Variants in WDR72 observed in about 807,000 individuals in gnomAD.
The protein encoded by WDR72 is WD repeat domain 72, also known as WD repeat-containing protein 72.
WDR72 carries 120 observed loss-of-function variants against 124.2 expected under a neutral mutation model. The ratio of observed to expected loss-of-function variants is 0.97; its 90% CI spans 0.83 to 1.12. The LOEUF (loss-of-function observed/expected upper bound fraction) is 1.12, where lower values mean the gene tolerates loss of function less well. WDR72 is among the 50% of genes most tolerant of loss of function. The pLI is 0.00. For synonymous variants in WDR72, 452 were observed against 441.7 expected, an observed-to-expected ratio of 1.02 and a Z score of -0.29; for missense variants, 1,387 against 1,278.8, an observed-to-expected ratio of 1.08 and a Z score of -1.29.
intron 1 of WDR72, among the ~76,000 whole-genome samples, chr15:53,744,095 G>A (rs1175330412): frequency 3.3e-5 from 5 of 152,056 alleles, no homozygotes; most frequent in African/African-American, 1.2e-4. Context: ...TTTTAGTAAC[G>A]GAGTTCCCTG....
intron 18 of WDR72, among the ~76,000 whole-genome samples, chr15:53,588,838 C>G (rs776252169): frequency 6.6e-6 from 1 of 151,834 alleles, no homozygotes; most frequent in Non-Finnish European, 1.5e-5. Context: ...TTCCCAGGCT[C>G]AGAAGTAGAA....
intron 18 of WDR72, among the ~76,000 whole-genome samples, chr15:53,589,277 C>T (rs1359438084): frequency 1.4e-5 from 1 of 73,484 alleles, no homozygotes. Flanking sequence ...TCAGATAACA[C>T]GAATTTCAGT....
chr15:53,753,206 T>G (rs1162685309), intron 1 of WDR72, among the ~76,000 whole-genome samples: 1 of 152,200 alleles, frequency 6.6e-6, no homozygotes, highest in Non-Finnish European at 1.5e-5. Context: ...AAGTTGACAT[T>G]GGAAGTCAGT....
intron 18 of WDR72, among the ~76,000 whole-genome samples, chr15:53,537,582 A>G (rs1892829682): frequency 6.6e-6 from 1 of 152,176 alleles, no homozygotes; most frequent in Non-Finnish European, 1.5e-5. Context: ...AGCAATAGTG[A>G]TGGTGCCTAC....
chr15:53,663,094 A>T (rs1396602841), intron 14 of WDR72, among the ~76,000 whole-genome samples: 4 of 150,654 alleles, frequency 2.7e-5, no homozygotes, highest in African/African-American at 4.9e-5. Context: ...GCCTCTAAAA[A>T]TAAATAAATA....
At chr15:53,666,693 A>G (rs1425810207) in intron 13 of WDR72, among the ~76,000 whole-genome samples, 1 of 152,228 alleles carries the variant, frequency 6.6e-6, no homozygotes, top group African/African-American at 2.4e-5. Context: ...AAGTAGATGT[A>G]CTATTTATAT....
At position 53,675,341 on chromosome 15, in the gene WDR72, C is replaced by CA. The variant is rs58306742; in HGVS notation, c.1766-9574dup. Among the ~76,000 whole-genome samples the CA allele has an allele frequency of 3.7e-3, 469 of 126,456 alleles. 1 individual carries two copies. The highest frequency in any genetic ancestry group is 0.027 in the Middle Eastern group (5 of 186). 83.0% of individuals were successfully genotyped at this position (126,456 alleles called of 152,430 possible). A position where few individuals can be genotyped will look rare whatever the true frequency, so the allele number is the denominator to read the frequency against. ...CTTGAGACAGAGTGAGACTCTGTCT[C>CA]AAAAAAAAAAAAAAAAATCTACTAT... On this transcript the variant is annotated intron_variant, in intron 13 of 19. Coordinates refer to ENST00000360509, the MANE Select transcript of WDR72 (RefSeq NM_182758.4).
At position 53,732,980 on chromosome 15, in the gene WDR72, C is replaced by T. The variant is rs776040779; in HGVS notation, c.153+17G>A. 6.2e-6 allele frequency: 10 copies of T among 1,613,926 alleles called. 1 individual carries two copies. The Admixed American group carries it at 1.7e-4, about 27-fold the overall frequency. On this transcript the variant is annotated intron_variant, in intron 2 of 19. Transcript: ENST00000360509. ...TTGTGAGTGGTGTCTGTTTCAATAT[C>T]AGTAGCTTTCACTAACCTTTAGTTC...
intron 18 of WDR72, among the ~76,000 whole-genome samples, chr15:53,552,541 AT>A (rs1335225417): frequency 6.6e-6 from 1 of 152,148 alleles, no homozygotes; most frequent in African/African-American, 2.4e-5. Context: ...TTTATAGTTA[AT>A]TTTATAGTAA....
At chr15:53,600,899 T>C (rs763035500) in intron 17 of WDR72, among the ~76,000 whole-genome samples, 5 of 152,200 alleles carry the variant, frequency 3.3e-5, no homozygotes, top group Non-Finnish European at 7.3e-5. Context: ...GTTTCTTTTC[T>C]AGCATTTATT....
At chr15:53,645,749 A>T (rs2015019106) in intron 14 of WDR72, among the ~76,000 whole-genome samples, 2 of 152,186 alleles carry the variant, frequency 1.3e-5, no homozygotes, top group African/African-American at 2.4e-5. Flanking sequence ...TAAATATAAA[A>T]GGAAAATGAT....
intron 13 of WDR72, among the ~76,000 whole-genome samples, chr15:53,695,163 G>C (rs2016964977): frequency 6.6e-6 from 1 of 152,124 alleles, no homozygotes; most frequent in Non-Finnish European, 1.5e-5. Context: ...ACACAAAAAA[G>C]TGCAATTACT....
chr15:53,624,256 T>C (rs2014120453), intron 14 of WDR72, among the ~76,000 whole-genome samples: 1 of 152,204 alleles, frequency 6.6e-6, no homozygotes, highest in Admixed American at 6.5e-5. Flanking sequence ...TAGATCCGTA[T>C]AAACTCTACT....
chr15:53,633,709 C>G (rs2014518151), intron 14 of WDR72, among the ~76,000 whole-genome samples: 3 of 152,144 alleles, frequency 2.0e-5, no homozygotes, highest in Non-Finnish European at 4.4e-5. Context: ...AAACAGATCA[C>G]TCAAGGGGAT....
chr15:53,624,788 T>A (rs1352364780), intron 14 of WDR72, among the ~76,000 whole-genome samples: 3 of 152,332 alleles, frequency 2.0e-5, no homozygotes, highest in African/African-American at 7.2e-5. Flanking sequence ...CAGCTAGTCA[T>A]CACTGTTTGA....
At chr15:53,668,145 A>G (rs1391281268) in intron 13 of WDR72, among the ~76,000 whole-genome samples, 1 of 152,194 alleles carries the variant, frequency 6.6e-6, no homozygotes, top group African/African-American at 2.4e-5. Flanking sequence ...AGCTATTTCC[A>G]CCCAAAACTA....
At chr15:53,738,385 G>T (rs1463716168) in intron 1 of WDR72, among the ~76,000 whole-genome samples, 2 of 152,004 alleles carry the variant, frequency 1.3e-5, no homozygotes, top group African/African-American at 4.8e-5. Context: ...ATGAAACCCA[G>T]GTTTTGAAAA....
chr15:53,713,413 A>ATTTTATTTTG (rs1567043894), intron 6 of WDR72, among the ~76,000 whole-genome samples: 5 of 112,590 alleles, frequency 4.4e-5, no homozygotes, highest in African/African-American at 1.8e-4. Context: ...ATTTTGTTGT[A>ATTTTATTTTG]TTTTATTTTA....
chr15:53,546,498 A>C, intron 18 of WDR72, among the ~76,000 whole-genome samples: 2 of 144,052 alleles, frequency 1.4e-5, no homozygotes. Context: ...GGAATATCAC[A>C]CTCTGGGGAC....
Sources: allele counts gnomAD v4.1 joint callset (sites outside exome capture counted in the v4.1 genomes callset), GRCh38; gene constraint gnomAD v4.1.1; transcripts MANE v1.5; gene names NCBI Gene and HGNC (gene_info 2026-07-23, HGNC 2026-07-21).